Variants in ZDHHC11 observed in about 807,000 individuals in gnomAD.
ZDHHC11 encodes the protein palmitoyltransferase ZDHHC11.
A neutral mutation model predicts 51.3 loss-of-function variants in ZDHHC11; 44 were observed. That is an observed-to-expected ratio of 0.86 (90% confidence interval 0.67 to 1.10). The LOEUF is 1.10. Ranked by LOEUF, ZDHHC11 falls within the 50% of genes least tolerant of loss-of-function variation. ZDHHC11 has a pLI of 0.00. For missense variants in ZDHHC11, 400 were observed against 537.7 expected (o/e 0.74, Z 2.53); for synonymous variants, 163 against 222.0 (o/e 0.73, Z 2.36).
intron 12 of ZDHHC11, among the ~76,000 whole-genome samples, chr5:799,171 T>C (rs1353239956): frequency 6.6e-6 from 1 of 151,782 alleles, no homozygotes; most frequent in Non-Finnish European, 1.5e-5. Context: ...ATGCCCTCCC[T>C]CTGAAGGGAG....
intron 2 of ZDHHC11, chr5:847,821 T>C: frequency 1.8e-6 from 1 of 563,112 alleles, no homozygotes; most frequent in Non-Finnish European, 3.1e-6. Context: ...TGGGCAGAGG[T>C]AGCCACAGAG....
chr5:797,823 CTTCT>C (rs1737809227), intron 12 of ZDHHC11, among the ~76,000 whole-genome samples: 1 of 150,882 alleles, frequency 6.6e-6, no homozygotes, highest in Non-Finnish European at 1.5e-5. Context: ...TTGAGAATTG[CTTCT>C]TTGCTTTGTA....
intron 8 of ZDHHC11, among the ~76,000 whole-genome samples, chr5:824,632 CCA>C (rs1742041869): frequency 6.7e-6 from 1 of 150,052 alleles, no homozygotes; most frequent in South Asian, 2.1e-4. Flanking sequence ...TGACCACACA[CCA>C]CACACAAAAC....
chr5:852,055 C>CAA (rs111722785), upstream of ZDHHC11, among the ~76,000 whole-genome samples: 26 of 106,926 alleles, frequency 2.4e-4, no homozygotes, highest in Admixed American at 1.4e-3. Context: ...GACTCCATCT[C>CAA]AAAAAAAAAA....
At position 817,369 on chromosome 5, in the gene ZDHHC11, T is replaced by C. The variant is rs973982104; in HGVS notation, c.1146+2156A>G. On this transcript the variant is annotated intron_variant, in intron 10 of 12. Transcript: ENST00000283441. ...ATGTGTTGCTGTCTCTATCAATTCATATTTCCATATGTGTTTCCTTGAAGA... is the reference window on the plus strand; with the variant it reads ...ATGTGTTGCTGTCTCTATCAATTCACATTTCCATATGTGTTTCCTTGAAGA... Among the ~76,000 whole-genome samples, 22 of 151,718 alleles carry C rather than the reference T, an allele frequency of 1.5e-4. 1 individual carries two copies. The highest frequency in any genetic ancestry group is 1.3e-3 in the Admixed American group (20 of 15,240).
At chr5:848,908 G>T (rs1360690472) in intron 1 of ZDHHC11, among the ~76,000 whole-genome samples, 1 of 134,976 alleles carries the variant, frequency 7.4e-6, no homozygotes, top group Non-Finnish European at 1.6e-5. Flanking sequence ...TGCACACCCA[G>T]CCCTGCACAG....
Position 838,650 on chromosome 5 carries a change from G to A in ZDHHC11, c.785-1170C>T, listed in dbSNP as rs184562685. Reference sequence around the variant, plus strand: ...GTCCTGCCTCCCGCCCACAGCAGCCGACTGCCTGTCCTTTCATGTTTCTGC... The same window carrying A: ...GTCCTGCCTCCCGCCCACAGCAGCCAACTGCCTGTCCTTTCATGTTTCTGC... On this transcript the variant is annotated intron_variant, in intron 5 of 12. Coordinates refer to ENST00000283441, the MANE Select transcript of ZDHHC11 (RefSeq NM_024786.3). Among the ~76,000 whole-genome samples, 14 of 152,288 alleles carry A rather than the reference G, an allele frequency of 9.2e-5. No individual in the cohort carries two copies. In the East Asian group the frequency reaches 2.3e-3, roughly 25 times the overall value.
intron 3 of ZDHHC11, among the ~76,000 whole-genome samples, chr5:843,940 G>C (rs1470380948): frequency 9.1e-6 from 1 of 110,338 alleles, no homozygotes; most frequent in Non-Finnish European, 1.7e-5. Context: ...GCAGGGGCGG[G>C]GGCATGCAGG....
chr5:821,883 C>A lies in ZDHHC11; in HGVS notation c.1036G>T (p.Asp346Tyr). ...GDSTAREGDE[D>Y]PCPSALGAKA... ...CACCCAAGTGCAGATGGACACGGGT[C>A]TTCATCCCCTTCCTGTGGGGAAGTG... The change falls in exon 9 of 13, where the codon GAC becomes TAC. Residue 346 changes from aspartate to tyrosine, a missense_variant. By Grantham distance (160) the Asp-to-Tyr change is radical. Coordinates refer to ENST00000283441, the MANE Select transcript of ZDHHC11 (RefSeq NM_024786.3). 6.2e-7 allele frequency: 1 copy of A among 1,605,764 alleles called. No individual in the cohort carries two copies. Among genetic ancestry groups the A allele is most frequent in the Non-Finnish European group, 8.5e-7 (1 of 1,174,402 alleles).
At chr5:835,947 A>G (rs1339939587) in intron 6 of ZDHHC11, among the ~76,000 whole-genome samples, 1 of 151,830 alleles carries the variant, frequency 6.6e-6, no homozygotes, top group Non-Finnish European at 1.5e-5. Context: ...TTGTTAAGTG[A>G]TTTAATTATC....
chr5:821,808 GTATAAC>G, intron 9 of ZDHHC11, 47 bp downstream of exon 9: 1 of 1,495,368 alleles, frequency 6.7e-7, no homozygotes, highest in Non-Finnish European at 9.2e-7. Flanking sequence ...TGAGACGAGT[GTATAAC>G]TATGTTACTA....
At chr5:853,508 G>GC (rs1747634957), upstream of ZDHHC11, among the ~76,000 whole-genome samples, 1 of 149,750 alleles carries the variant, frequency 6.7e-6, no homozygotes, top group Non-Finnish European at 1.5e-5. Context: ...AGGACAGCGA[G>GC]CTGGGGAGAC....
chr5:798,294 TTC>T (rs1277295293), intron 12 of ZDHHC11, among the ~76,000 whole-genome samples: 2 of 151,026 alleles, frequency 1.3e-5, no homozygotes, highest in Non-Finnish European at 2.9e-5. Flanking sequence ...CCCACTAGAT[TTC>T]TCTTTGGGTT....
chr5:815,976 G>A (rs554844623), intron 10 of ZDHHC11, among the ~76,000 whole-genome samples: 35 of 151,430 alleles, frequency 2.3e-4, no homozygotes, highest in African/African-American at 8.0e-4. Flanking sequence ...TGTGGTTTTA[G>A]CTCGTGGATC....
chr5:843,126 G>A (rs1461157773), intron 4 of ZDHHC11, among the ~76,000 whole-genome samples: 8 of 152,402 alleles, frequency 5.2e-5, no homozygotes, highest in Middle Eastern at 3.4e-3. Context: ...ATCGGTTCCC[G>A]AGGCCCAGGC....
intron 11 of ZDHHC11, among the ~76,000 whole-genome samples, chr5:808,009 T>TCC (rs1739521622): frequency 1.3e-5 from 2 of 150,802 alleles, no homozygotes; most frequent in African/African-American, 2.5e-5. Context: ...TGCAGGCCAG[T>TCC]CCCCATCAGA....
chr5:815,208 C>T (rs1740621773), intron 10 of ZDHHC11, among the ~76,000 whole-genome samples: 1 of 151,544 alleles, frequency 6.6e-6, no homozygotes. Context: ...TGGCCATCTA[C>T]AAGGCAAGGA....
rs1017221949 is a variant in ZDHHC11 at position 837,565 on chromosome 5, A to G, written c.785-85T>C. On this transcript the variant is annotated intron_variant, in intron 5 of 12. Transcript: ENST00000283441. ...CACAGGACAGCTCAGCAGAGTGGCC[A>G]GTGCCACTGATCCGGCCCCTGCACA... 24 of 1,408,782 alleles carry G rather than the reference A, an allele frequency of 1.7e-5. 1 individual carries two copies. Among genetic ancestry groups the G allele is most frequent in the Non-Finnish European group, 2.2e-5 (22 of 1,000,110 alleles). The allele number at this position is 1,408,782 out of a possible 1,614,324, so 87.3% of individuals were successfully genotyped here.
chr5:846,218 C>T lies in ZDHHC11; in HGVS notation c.503+1296G>A, dbSNP rs1377638048. On this transcript the variant is annotated intron_variant, in intron 3 of 12. Transcript: ENST00000283441. ...GCTGCTCAGCCTCTCTGGACACATG[C>T]TGTGCTCCAGACGGGATGGCAGGGA... is the stretch of plus-strand genomic sequence containing the variant. Among the ~76,000 whole-genome samples, 7 of 151,126 alleles carry T rather than the reference C, an allele frequency of 4.6e-5. 1 individual carries two copies. The highest frequency in any genetic ancestry group is 7.4e-5 in the Non-Finnish European group (5 of 67,758).
Sources: gnomAD v4.1 joint callset for allele counts (sites outside exome capture counted in the v4.1 genomes callset) on GRCh38, gnomAD v4.1.1 for gene constraint, MANE v1.5 for transcripts, NCBI Gene and HGNC (gene_info 2026-07-23, HGNC 2026-07-21) for gene names.